Variants in AADACL4 observed in about 807,000 individuals in gnomAD.
AADACL4 encodes the protein arylacetamide deacetylase-like 4.
AADACL4 carries 9 observed loss-of-function variants against 14.1 expected under a neutral mutation model. The observed-to-expected ratio is 0.64, with a 90% confidence interval of 0.39 to 1.12. The LOEUF (loss-of-function observed/expected upper bound fraction) is 1.12, where lower values mean the gene tolerates loss of function less well. Ranked by LOEUF, AADACL4 falls within the 50% of genes most tolerant of loss-of-function variation. AADACL4 has a pLI of 0.01. For synonymous variants in AADACL4, 188 were observed against 201.6 expected (o/e 0.93, Z 0.57); for missense variants, 531 against 516.1 (o/e 1.03, Z -0.28).
intron 3 of AADACL4, among the ~76,000 whole-genome samples, chr1:12,664,291 T>C (rs1464321782): frequency 1.3e-5 from 2 of 152,216 alleles, no homozygotes; most frequent in Non-Finnish European, 2.9e-5. Flanking sequence ...TTTTTCCTTA[T>C]GAGCTTCTTC....
chr1:12,648,514 A>G (rs1364740303), intron 1 of AADACL4, among the ~76,000 whole-genome samples: 1 of 149,812 alleles, frequency 6.7e-6, no homozygotes, highest in Non-Finnish European at 1.5e-5. Context: ...TTCCCACCTC[A>G]GCCTCTTGAG....
intron 2 of AADACL4, among the ~76,000 whole-genome samples, chr1:12,652,775 G>A (rs1367313142): frequency 6.6e-6 from 1 of 152,180 alleles, no homozygotes; most frequent in African/African-American, 2.4e-5. Context: ...TCGCTGGTGG[G>A]TGTGTGTTTA....
intron 3 of AADACL4, among the ~76,000 whole-genome samples, chr1:12,663,091 G>A (rs1470053070): frequency 6.6e-6 from 1 of 152,270 alleles, no homozygotes; most frequent in African/African-American, 2.4e-5. Flanking sequence ...GGAGGCTGCA[G>A]GGAGACAGTA....
At chr1:12,661,349 T>G (rs1055530383) in intron 2 of AADACL4, among the ~76,000 whole-genome samples, 2 of 152,218 alleles carry the variant, frequency 1.3e-5, no homozygotes, top group Non-Finnish European at 2.9e-5. Flanking sequence ...TTCTACGTAC[T>G]CATATTGACG....
At chr1:12,644,772 C>A (rs1222049934) in intron 1 of AADACL4, 58 bp downstream of exon 1, 2 of 1,541,702 alleles carry the variant, frequency 1.3e-6, no homozygotes, top group African/African-American at 1.4e-5. Flanking sequence ...GTTCTCAGTA[C>A]CTTACCCTCT....
At position 12,666,453 on chromosome 1, in the gene AADACL4, A is replaced by C. The variant is rs140537393; in HGVS notation, c.942A>C (p.Glu314Asp). 6.2e-5 allele frequency: 100 copies of C among 1,614,204 alleles called. 1 individual carries two copies. The East Asian group carries it at 2.2e-3, about 35-fold the overall frequency. Residue 314 changes from glutamate (E) to aspartate (D), a missense_variant, in exon 4 of 4, where the codon GAA becomes GAC. Physicochemically the swap from Glu to Asp is conservative, Grantham distance 45. Transcript: ENST00000376221. The part of the protein sequence containing the change: ...PGPFNEAAYL[E>D]AKHMLDVENS... ...CTTTTAATGAAGCTGCCTATCTAGA[A>C]GCCAAACATATGCTGGATGTAGAAA...
rs908606169 is a variant in AADACL4, at chr1:12,666,495, A to C, written c.984A>C (p.Ala328=). 1 of 1,614,100 alleles carries C rather than the reference A, an allele frequency of 6.2e-7. No individual in the cohort carries two copies. The highest frequency in any genetic ancestry group is 1.3e-5 in the African/African-American group (1 of 74,934). ...MLDVENSPLI[A]DDEVIAQLPE... Reference sequence around the variant, plus strand: ...ATGTAGAAAATTCACCCCTGATAGCAGATGATGAGGTCATCGCTCAGCTTC... The same window carrying C: ...ATGTAGAAAATTCACCCCTGATAGCCGATGATGAGGTCATCGCTCAGCTTC... The change falls in exon 4 of 4, where the codon GCA becomes GCC. Residue 328 remains alanine, a synonymous_variant. Transcript: ENST00000376221.
chr1:12,656,643 T>C (rs911898709), intron 2 of AADACL4, among the ~76,000 whole-genome samples: 8 of 152,154 alleles, frequency 5.3e-5, no homozygotes, highest in South Asian at 2.1e-4. Context: ...ATCACAACAG[T>C]AAGGTTTAAA....
intron 2 of AADACL4, among the ~76,000 whole-genome samples, chr1:12,657,064 G>A (rs1465374445): frequency 6.7e-6 from 1 of 149,198 alleles, no homozygotes; most frequent in African/African-American, 2.5e-5. Flanking sequence ...GATTGTTTGA[G>A]CCCGGGAGGC....
rs117703201 is a variant in AADACL4 at position 12,659,400 on chromosome 1, T to C, written c.386-2391T>C. ...AATGGATGAGGAGGATCTGGCCCTT[T>C]GGAAGCCGGAAAAGAGCCTTCTAGG... On this transcript the variant is annotated intron_variant, in intron 2 of 3. Transcript: ENST00000376221. 1.3e-3 allele frequency among the ~76,000 whole-genome samples: 200 copies of C among 152,282 alleles called. 5 individuals are homozygous for C. In the East Asian group the frequency reaches 0.037, roughly 29 times the overall value.
intron 1 of AADACL4, among the ~76,000 whole-genome samples, chr1:12,649,214 G>A (rs1270533602): frequency 6.6e-6 from 1 of 152,190 alleles, no homozygotes; most frequent in Non-Finnish European, 1.5e-5. Context: ...ATGAGAGGGA[G>A]GAGGATGGCC....
chr1:12,664,074 T>C (rs1293580781), intron 3 of AADACL4, among the ~76,000 whole-genome samples: 1 of 152,200 alleles, frequency 6.6e-6, no homozygotes, highest in Non-Finnish European at 1.5e-5. Context: ...TTTTGAACCC[T>C]AGAGTTCCCT....
At chr1:12,660,284 C>T (rs1647216214) in intron 2 of AADACL4, among the ~76,000 whole-genome samples, 1 of 152,202 alleles carries the variant, frequency 6.6e-6, no homozygotes, top group South Asian at 2.1e-4. Flanking sequence ...GTTCAACATA[C>T]AATTTTTTGG....
intron 2 of AADACL4, among the ~76,000 whole-genome samples, chr1:12,654,001 T>A (rs987766071): frequency 2.6e-5 from 4 of 152,102 alleles, no homozygotes; most frequent in Admixed American, 6.5e-5. Flanking sequence ...GTGAGTCCTA[T>A]CCCCAAAGCC....
At chr1:12,663,900 C>A (rs1647270145) in intron 3 of AADACL4, among the ~76,000 whole-genome samples, 1 of 152,066 alleles carries the variant, frequency 6.6e-6, no homozygotes, top group Non-Finnish European at 1.5e-5. Flanking sequence ...AATATATTGA[C>A]CATCTAGGAA....
chr1:12,663,498 A>T (rs1403394456), intron 3 of AADACL4, among the ~76,000 whole-genome samples: 1 of 152,100 alleles, frequency 6.6e-6, no homozygotes, highest in East Asian at 1.9e-4. Flanking sequence ...TCATGACCTG[A>T]TCACTTTCCT....
At chr1:12,658,143 T>TCTTCCTTTCTTCCTTC (rs1647197074) in intron 2 of AADACL4, among the ~76,000 whole-genome samples, 3 of 90,548 alleles carry the variant, frequency 3.3e-5, no homozygotes, top group Admixed American at 3.1e-4. Context: ...TTCCTTCCTT[T>TCTTCCTTTCTTCCTTC]CTTTCTTTCT....
chr1:12,649,356 G>C (rs1007346344), intron 1 of AADACL4, among the ~76,000 whole-genome samples: 3 of 152,190 alleles, frequency 2.0e-5, no homozygotes, highest in African/African-American at 4.8e-5. Flanking sequence ...GGCAAACAGG[G>C]AAGACAGCTG....
In AADACL4 at chr1:12,666,498, T is replaced by A. The variant is rs755193041; in HGVS notation, c.987T>A (p.Asp329Glu). 1 of 1,614,198 alleles carries A rather than the reference T, an allele frequency of 6.2e-7. No homozygotes were observed. Among genetic ancestry groups the A allele is most frequent in the South Asian group, 1.1e-5 (1 of 91,074 alleles). The change falls in exon 4 of 4, where the codon GAT (aspartate) becomes GAA (glutamate). Residue 329 changes from aspartate (D) to glutamate (E), a missense_variant. By Grantham distance (45) the Asp-to-Glu change is conservative. Transcript: ENST00000376221. The stretch of plus-strand genomic sequence containing the variant: ...TAGAAAATTCACCCCTGATAGCAGA[T>A]GATGAGGTCATCGCTCAGCTTCCTG... ...LDVENSPLIA[D>E]DEVIAQLPEA...
Sources: gnomAD v4.1 joint callset for allele counts (sites outside exome capture counted in the v4.1 genomes callset) on GRCh38, gnomAD v4.1.1 for gene constraint, MANE v1.5 for transcripts, NCBI Gene and HGNC (gene_info 2026-07-23, HGNC 2026-07-21) for gene names.